SHC3: variants seen among roughly 807,000 people sequenced by gnomAD.
SHC3 encodes the protein SHC adaptor protein 3, also known as SHC-transforming protein 3.
Under a neutral mutation model 60.4 loss-of-function variants are expected in SHC3, and 15 were observed. That is an observed-to-expected ratio of 0.25 (90% confidence interval 0.17 to 0.38). The LOEUF is 0.38. Among genes scored for constraint, SHC3 ranks in the 10% least tolerant of loss-of-function variants. The pLI is 1.00. For synonymous variants in SHC3, 294 were observed against 325.9 expected (o/e 0.90, Z 1.05); for missense variants, 677 against 786.1 (o/e 0.86, Z 1.66).
chr9:89,133,048 T>C (rs911707018), intron 1 of SHC3, among the ~76,000 whole-genome samples: 49 of 151,970 alleles, frequency 3.2e-4, no homozygotes, highest in African/African-American at 1.1e-3. Context: ...ACAAAGAACT[T>C]AGACAAATTT....
At chr9:89,161,100 CT>C (rs1333327164) in intron 1 of SHC3, among the ~76,000 whole-genome samples, 1 of 152,136 alleles carries the variant, frequency 6.6e-6, no homozygotes, top group Admixed American at 6.5e-5. Context: ...GAGAGGCTGG[CT>C]GATAGAGTTT....
intron 9 of SHC3, among the ~76,000 whole-genome samples, chr9:89,044,853 A>G (rs942173822): frequency 1.3e-5 from 2 of 152,190 alleles, no homozygotes; most frequent in Non-Finnish European, 2.9e-5. Context: ...ATGTAGGTGC[A>G]TATTATGATT....
chr9:89,075,680 CAG>C (rs1226574754), intron 3 of SHC3, among the ~76,000 whole-genome samples: 1 of 152,148 alleles, frequency 6.6e-6, no homozygotes, highest in African/African-American at 2.4e-5. Context: ...ACAAGAATCC[CAG>C]AGAGATGCAA....
intron 1 of SHC3, among the ~76,000 whole-genome samples, chr9:89,150,212 T>C (rs986324525): frequency 6.6e-6 from 1 of 152,154 alleles, no homozygotes; most frequent in Non-Finnish European, 1.5e-5. Context: ...TTATCCATGA[T>C]CACAGATACC....
At chr9:89,057,005 G>A (rs776267843) in intron 6 of SHC3, among the ~76,000 whole-genome samples, 24 of 152,242 alleles carry the variant, frequency 1.6e-4, no homozygotes, top group Non-Finnish European at 2.9e-4. Context: ...TCCATCTGGG[G>A]TTCTCCAGTG....
chr9:89,047,317 T>C (rs1172065670), intron 7 of SHC3, among the ~76,000 whole-genome samples: 3 of 152,226 alleles, frequency 2.0e-5, no homozygotes, highest in Non-Finnish European at 4.4e-5. Flanking sequence ...GCCATGAAAT[T>C]GATCCCAAAC....
chr9:89,058,361 C>T (rs72748947), intron 6 of SHC3, among the ~76,000 whole-genome samples: 66,826 of 140,886 alleles, frequency 0.47, 16,683 homozygotes, highest in East Asian at 0.98. Context: ...TGGCGTAGGA[C>T]GTGGTGGAGG....
chr9:89,055,939 ATCTT>A (rs1213753598), intron 6 of SHC3, among the ~76,000 whole-genome samples: 1 of 152,260 alleles, frequency 6.6e-6, no homozygotes, highest in Non-Finnish European at 1.5e-5. Flanking sequence ...TTTAAAAGAT[ATCTT>A]TTGTCTTCAA....
chr9:89,015,712 A>C (rs1265684830), intron 11 of SHC3, among the ~76,000 whole-genome samples: 1 of 152,200 alleles, frequency 6.6e-6, no homozygotes, highest in Non-Finnish European at 1.5e-5. Flanking sequence ...GCTGATTAAA[A>C]CCACTGGGCA....
chr9:89,015,201 G>T (rs915011500), intron 11 of SHC3, among the ~76,000 whole-genome samples: 3 of 152,224 alleles, frequency 2.0e-5, no homozygotes, highest in African/African-American at 7.2e-5. Context: ...TTGGAAGCCA[G>T]GGGCACCCAG....
intron 1 of SHC3, among the ~76,000 whole-genome samples, chr9:89,116,579 T>C (rs114260394): frequency 1.4e-3 from 216 of 152,302 alleles, no homozygotes; most frequent in African/African-American, 4.8e-3. Flanking sequence ...GCATCACAGT[T>C]ATGTGAACAC....
At chr9:89,062,650 T>C (rs551007237) in intron 6 of SHC3, among the ~76,000 whole-genome samples, 65 of 152,342 alleles carry the variant, frequency 4.3e-4, no homozygotes, top group Middle Eastern at 6.8e-3. Flanking sequence ...ATGCATTCTG[T>C]CCCTGATGGT....
chr9:89,178,110 G>A lies in SHC3; in HGVS notation c.351C>T (p.Arg117=). The A allele has an allele frequency of 8.7e-7, 1 of 1,152,326 alleles. No homozygotes were observed. The highest frequency in any genetic ancestry group is 1.1e-6 in the Non-Finnish European group (1 of 937,710). 71.4% of individuals were successfully genotyped at this position (1,152,326 alleles called of 1,614,324 possible). A position where few individuals can be genotyped will look rare whatever the true frequency, so the allele number is the denominator to read the frequency against. The change falls in exon 1 of 12, where the codon CGC becomes CGT. Residue 117 remains arginine, a synonymous_variant. Coordinates refer to ENST00000375835, the MANE Select transcript of SHC3 (RefSeq NM_016848.6). The surrounding 1 kb of genome is among the most constrained non-coding windows in gnomAD (Gnocchi z 6.9). ...TCCTGGCGGCGCTCATGGCCGGGGC[G>A]CGGGGCGCCGAGGGCGCACTGCCGT... is the stretch of plus-strand genomic sequence containing the variant. The part of the protein sequence containing the change: ...APDGSAPSAP[R]APAMSAARKG...
chr9:89,177,865 G>C (rs755648031), intron 1 of SHC3, 122 bp downstream of exon 1: 91 of 1,129,068 alleles, frequency 8.1e-5, no homozygotes, highest in Non-Finnish European at 9.6e-5. Context: ...GTGCGCATTT[G>C]CTTGCCTCTA....
In SHC3 at chr9:89,009,353, G is replaced by C. The variant is rs1030850576; in HGVS notation, c.*4094C>G. On this transcript the variant is annotated 3_prime_UTR_variant, in exon 12 of 12. Transcript: ENST00000375835. ...TACTCTGAAACCCACTGCAAGGTCT[G>C]TCTGAGTCCTGCAATGACCTCTTTG... The C allele has an allele frequency of 6.6e-6, 1 of 152,194 alleles. No individual in the cohort carries two copies. The highest frequency in any genetic ancestry group is 1.5e-5 in the Non-Finnish European group (1 of 68,064). The allele number at this position is 152,194 out of a possible 1,614,324, so 9.4% of individuals were successfully genotyped here.
At chr9:89,059,031 C>T (rs117998307) in intron 6 of SHC3, among the ~76,000 whole-genome samples, 7,798 of 121,968 alleles carry the variant, frequency 0.064, 275 homozygotes, top group Middle Eastern at 0.17. Flanking sequence ...TGGTGGAGAA[C>T]GTGGTGGAGG....
At chr9:89,095,320 G>A (rs1424764430) in intron 2 of SHC3, among the ~76,000 whole-genome samples, 1 of 152,214 alleles carries the variant, frequency 6.6e-6, no homozygotes, top group African/African-American at 2.4e-5. Flanking sequence ...GATAAACCTT[G>A]AGGATATTAT....
chr9:89,080,775 T>G (rs1192409161), intron 2 of SHC3, among the ~76,000 whole-genome samples: 1 of 148,348 alleles, frequency 6.7e-6, no homozygotes, highest in Non-Finnish European at 1.5e-5. Context: ...ATACTTTTTT[T>G]TTTTTTTTTG....
chr9:89,132,095 A>G (rs1349239411), intron 1 of SHC3, among the ~76,000 whole-genome samples: 3 of 152,216 alleles, frequency 2.0e-5, no homozygotes, highest in African/African-American at 7.2e-5. Context: ...AAAAATCACA[A>G]GCATTCCTCT....
Sources: allele counts gnomAD v4.1 joint callset (sites outside exome capture counted in the v4.1 genomes callset), GRCh38; gene constraint gnomAD v4.1.1; non-coding constraint Gnocchi (gnomAD v3.1); transcripts MANE v1.5; gene names NCBI Gene and HGNC (gene_info 2026-07-23, HGNC 2026-07-21).